Variants in EIF2B4 observed in about 807,000 individuals in gnomAD.
EIF2B4 encodes the protein translation initiation factor eIF2B subunit delta.
EIF2B4 carries 34 observed loss-of-function variants against 66.7 expected under a neutral mutation model. The ratio of observed to expected loss-of-function variants is 0.51; its 90% CI spans 0.39 to 0.68. The LOEUF is 0.68. Ranked by LOEUF, EIF2B4 falls within the 30% of genes least tolerant of loss-of-function variation. The pLI is 0.00. For missense variants in EIF2B4, 618 were observed against 657.9 expected, an observed-to-expected ratio of 0.94 and a Z score of 0.66; for synonymous variants, 278 against 253.6, an observed-to-expected ratio of 1.10 and a Z score of -0.92.
rs145784671 is a variant in EIF2B4, at chr2:27,364,534, C to T, written c.1438G>A (p.Ala480Thr). The change falls in exon 13 of 13, where the codon GCA (alanine) becomes ACA (threonine). Residue 480 changes from alanine to threonine, a missense_variant. Physicochemically the swap from Ala to Thr is moderately conservative, Grantham distance 58. Transcript: ENST00000347454. The part of the protein sequence containing the change: ...HVALANWQNH[A>T]SLRLLNLVYD... ...ACTAGATTCAACAACCGTAGGGATG[C>T]GTGGTTCTGCCAGTTAGCCAGCGCA... The T allele has an allele frequency of 4.5e-5, 73 of 1,614,174 alleles. No individual in the cohort carries two copies. In the East Asian group the frequency reaches 6.2e-4, roughly 14 times the overall value.
At chr2:27,366,639 G>A (rs1308217016) in intron 11 of EIF2B4, 120 bp downstream of exon 11, 32 of 1,196,324 alleles carry the variant, frequency 2.7e-5, no homozygotes, top group Admixed American at 5.3e-5. Context: ...TGATCACGTC[G>A]CTGCACTCCA....
At position 27,364,830 on chromosome 2, in the gene EIF2B4, T is replaced by A; in HGVS notation, c.1260A>T (p.Thr420=). The A allele has an allele frequency of 1.2e-6, 2 of 1,614,220 alleles. No individual in the cohort carries two copies. ...ANGSVMSRVG[T]AQLALVARAH... ...CTCGAGCCACCAGGGCTAACTGTGC[T>A]GTCCCTACCCGTGACATCACAGACC... The change falls in exon 12 of 13, where the codon ACA becomes ACT. Residue 420 remains threonine (T), a synonymous_variant. Coordinates refer to ENST00000347454, the MANE Select transcript of EIF2B4 (RefSeq NM_001034116.2).
intron 4 of EIF2B4, 64 bp from the exon 5 acceptor site, chr2:27,368,797 G>A (rs1323246501): frequency 4.5e-6 from 7 of 1,561,158 alleles, no homozygotes; most frequent in South Asian, 1.1e-5. Context: ...TTGCTCTTAG[G>A]GTATAAGGGG....
chr2:27,368,351 G>C (rs761726266), intron 6 of EIF2B4, 21 bp downstream of exon 6: 1 of 1,597,544 alleles, frequency 6.3e-7, no homozygotes. Flanking sequence ...CAAAAGTTAT[G>C]ACAATTTCAT....
In EIF2B4 at chr2:27,367,551, G is replaced by T. The variant is rs143926434; in HGVS notation, c.791C>A (p.Thr264Asn). The change falls in exon 9 of 13, where the codon ACT (threonine) becomes AAT (asparagine). Residue 264 changes from threonine to asparagine, a missense_variant. Thr to Asn is a moderately conservative substitution (Grantham distance 65). This residue lies in a region of EIF2B4 where 506 missense variants were observed against 511.9 expected (regional missense o/e 0.99). Coordinates refer to ENST00000347454, the MANE Select transcript of EIF2B4 (RefSeq NM_001034116.2). Reference sequence around the variant, plus strand: ...GCTCGCTGACAGGGGACGGCACTGAGTCAGGAAGCTATAATACAACAGCAA... The same window carrying T: ...GCTCGCTGACAGGGGACGGCACTGATTCAGGAAGCTATAATACAACAGCAA... ...NKLKPYMSFL[T>N]QCRPLSASMH... is the part of the protein sequence containing the mutation. The T allele has an allele frequency of 1.8e-4, 293 of 1,613,996 alleles. 1 individual carries two copies. The South Asian group carries it at 3.0e-3, about 17-fold the overall frequency.
In EIF2B4 at chr2:27,369,174, A is replaced by T. The variant is rs978740472; in HGVS notation, c.250T>A (p.Leu84Met). ...TRELPESGIQ[L>M]GTPREKVPAG... The stretch of plus-strand genomic sequence containing the variant: ...GGAACTTTCTCCCGAGGAGTGCCCA[A>T]CTGAATGCCCGATTCTGGCAGTTCT... The change falls in exon 4 of 13, where the codon TTG (leucine) becomes ATG (methionine). Residue 84 changes from leucine to methionine, a missense_variant. Physicochemically the swap from Leu to Met is conservative, Grantham distance 15. This residue lies in a region of EIF2B4 where 506 missense variants were observed against 511.9 expected (regional missense o/e 0.99). Transcript: ENST00000347454. 6.2e-7 allele frequency: 1 copy of T among 1,613,286 alleles called. No homozygotes were observed. The highest frequency in any genetic ancestry group is 2.2e-5 in the East Asian group (1 of 44,858).
At chr2:27,368,291 C>G in intron 6 of EIF2B4, 81 bp downstream of exon 6, 2 of 1,410,362 alleles carry the variant, frequency 1.4e-6, no homozygotes, top group Non-Finnish European at 2.0e-6. Context: ...CAGAGTCCAT[C>G]TCAGATTACT....
At chr2:27,369,630 C>G in intron 2 of EIF2B4, 81 bp from the exon 3 acceptor site, 1 of 1,607,080 alleles carries the variant, frequency 6.2e-7, no homozygotes, top group Non-Finnish European at 8.5e-7. Context: ...ACAAGATTTC[C>G]ACATGGTTAA....
chr2:27,367,652 GA>G, intron 8 of EIF2B4, 93 bp from the exon 9 acceptor site: 1 of 1,589,598 alleles, frequency 6.3e-7, no homozygotes, highest in Non-Finnish European at 8.6e-7. Flanking sequence ...AAAGAAAATA[GA>G]ACACAAAATG....
chr2:27,369,330 T>C, intron 3 of EIF2B4, 84 bp downstream of exon 3: 1 of 1,610,796 alleles, frequency 6.2e-7, no homozygotes, highest in Non-Finnish European at 8.5e-7. Flanking sequence ...CAAATCAACT[T>C]TGTCCTGTCT....
chr2:27,368,694 A>C lies in EIF2B4; in HGVS notation c.458T>G (p.Leu153Arg). Reference protein sequence around the residue: ...RLPEYPQVDDLLLRRLVKKPE... With the variant: ...RLPEYPQVDDRLLRRLVKKPE... ...TTTTTTAACAAGCCTTCTCAGAAGTAGGTCATCAACCTGAGGGTACTCAGG... is the reference window on the plus strand; with the variant it reads ...TTTTTTAACAAGCCTTCTCAGAAGTCGGTCATCAACCTGAGGGTACTCAGG... Residue 153 changes from leucine (L) to arginine (R), a missense_variant, in exon 5 of 13, where the codon CTA becomes CGA. Transcript: ENST00000347454. 6.2e-7 allele frequency: 1 copy of C among 1,614,224 alleles called. No homozygotes were observed. The highest frequency in any genetic ancestry group is 8.5e-7 in the Non-Finnish European group (1 of 1,180,046).
At chr2:27,369,344 C>T (rs1232111788) in intron 3 of EIF2B4, 70 bp downstream of exon 3, 4 of 1,591,068 alleles carry the variant, frequency 2.5e-6, no homozygotes, top group Non-Finnish European at 3.4e-6. Flanking sequence ...CCTGTCTCTC[C>T]CTTATCTCTC....
At position 27,365,121 on chromosome 2, in the gene EIF2B4, A is replaced by C; in HGVS notation, c.1192-223T>G. 6.2e-6 allele frequency: 3 copies of C among 482,856 alleles called. No individual in the cohort carries two copies. In the East Asian group the frequency reaches 1.3e-4, roughly 21 times the overall value. 29.9% of individuals were successfully genotyped at this position (482,856 alleles called of 1,614,324 possible). A position where few individuals can be genotyped will look rare whatever the true frequency, so the allele number is the denominator to read the frequency against. ...GCCCAGGCTGGAGTGCAATGGCGCG[A>C]TCTCGGCTCACCACAACCTCTGCCT... On this transcript the variant is annotated intron_variant, in intron 11 of 12. Coordinates refer to ENST00000347454, the MANE Select transcript of EIF2B4 (RefSeq NM_001034116.2).
intron 2 of EIF2B4, 159 bp from the exon 3 acceptor site, chr2:27,369,708 C>T: frequency 1.4e-6 from 2 of 1,478,400 alleles, no homozygotes; most frequent in Non-Finnish European, 1.9e-6. Flanking sequence ...GCTGACGTTT[C>T]TCCTCCAGGG....
rs1682321268 is a variant in EIF2B4, at chr2:27,370,315, C to A, written c.-1G>T. The stretch of plus-strand genomic sequence containing the variant: ...GAACAGCCACGGCCACAGCAGCCAT[C>A]GCCCTCAGTCCTAGGCTCCGCCCGC... On this transcript the variant is annotated 5_prime_UTR_variant, in exon 1 of 13. Coordinates refer to ENST00000347454, the MANE Select transcript of EIF2B4 (RefSeq NM_001034116.2). 2 of 1,543,172 alleles carry A rather than the reference C, an allele frequency of 1.3e-6. No homozygotes were observed.
In EIF2B4 at chr2:27,364,473, A is replaced by C; in HGVS notation, c.1499T>G (p.Val500Gly). The C allele has an allele frequency of 6.2e-7, 1 of 1,614,186 alleles. No homozygotes were observed. Among genetic ancestry groups the C allele is most frequent in the Non-Finnish European group, 8.5e-7 (1 of 1,180,030 alleles). Residue 500 changes from valine (V) to glycine (G), a missense_variant, in exon 13 of 13, where the codon GTG becomes GGG. This residue lies in a region of EIF2B4 where 13 missense variants were observed against 33.0 expected (regional missense o/e 0.39). Coordinates refer to ENST00000347454, the MANE Select transcript of EIF2B4 (RefSeq NM_001034116.2). ...AGGGATCATCCCCAGCTCCGTGATCACCAGATCCACAAGCTCTGGGGGAGT... is the reference window on the plus strand; with the variant it reads ...AGGGATCATCCCCAGCTCCGTGATCCCCAGATCCACAAGCTCTGGGGGAGT... ...DVTPPELVDL[V>G]ITELGMIPCS...
chr2:27,365,020 G>A lies in EIF2B4; in HGVS notation c.1192-122C>T, dbSNP rs1221711158. 17 of 1,007,634 alleles carry A rather than the reference G, an allele frequency of 1.7e-5. No homozygotes were observed. The African/African-American group carries it at 2.6e-4, about 16-fold the overall frequency. The allele number at this position is 1,007,634 out of a possible 1,614,324, so 62.4% of individuals were successfully genotyped here. A position where few individuals can be genotyped will look rare whatever the true frequency, so the allele number is the denominator to read the frequency against. On this transcript the variant is annotated intron_variant, in intron 11 of 12. Transcript: ENST00000347454. ...TAAATCTCAACACCTGTGAAAAGAA[G>A]GGAAAGAAACAAAAACAGACAACAA... is the stretch of plus-strand genomic sequence containing the variant.
chr2:27,365,182 G>A (rs1477596893), intron 11 of EIF2B4: 12 of 380,372 alleles, frequency 3.2e-5, no homozygotes, highest in African/African-American at 1.1e-4. Context: ...TCAGCCTCCC[G>A]AGTAGCTGGG....
chr2:27,367,480 C>A lies in EIF2B4; in HGVS notation c.862G>T (p.Gly288Cys). 1 of 1,614,112 alleles carries A rather than the reference C, an allele frequency of 6.2e-7. No individual in the cohort carries two copies. Among genetic ancestry groups the A allele is most frequent in the East Asian group, 2.2e-5 (1 of 44,882 alleles). The change falls in exon 9 of 13, where the codon GGC becomes TGC. Residue 288 changes from glycine to cysteine, a missense_variant. Physicochemically the swap from Gly to Cys is radical, Grantham distance 159. Around this residue, in one of 4 missense-constraint regions of EIF2B4, gnomAD observed 506 missense variants for 511.9 expected, o/e 0.99. Coordinates refer to ENST00000347454, the MANE Select transcript of EIF2B4 (RefSeq NM_001034116.2). ...ACCTCCTCTTCCCGCTTGGAACTGC[C>A]CACACTGGTGATTTCCTTGTTAAGG... Reference protein sequence around the residue: ...KFLNKEITSVGSSKREEEAKS... With the variant: ...KFLNKEITSVCSSKREEEAKS...
Sources: allele counts gnomAD v4.1 joint callset, GRCh38; gene constraint gnomAD v4.1.1; regional missense constraint gnomAD v4.1.1; transcripts MANE v1.5; gene names NCBI Gene and HGNC (gene_info 2026-07-23, HGNC 2026-07-21).